TMEM232: variants seen among roughly 807,000 people sequenced by gnomAD.
TMEM232 encodes transmembrane protein 232.
Under a neutral mutation model 78.8 loss-of-function variants are expected in TMEM232, and 80 were observed. The observed-to-expected ratio is 1.01, with a 90% CI of 0.85 to 1.22. TMEM232 has a LOEUF of 1.22. TMEM232 is among the 50% of genes most tolerant of loss of function. The pLI, the probability that TMEM232 is intolerant of heterozygous loss-of-function variation, is 0.00. For missense variants in TMEM232, 881 were observed against 742.2 expected, an observed-to-expected ratio of 1.19 and a Z score of -2.17; for synonymous variants, 297 against 254.3, an observed-to-expected ratio of 1.17 and a Z score of -1.60.
upstream of TMEM232, among the ~76,000 whole-genome samples, chr5:110,731,092 G>C (rs1184230838): frequency 2.0e-5 from 3 of 152,252 alleles, no homozygotes; most frequent in South Asian, 2.1e-4. Flanking sequence ...AAAACAAAGG[G>C]GTTACAGGGC....
chr5:110,435,987 C>T (rs2112717793), intron 12 of TMEM232, among the ~76,000 whole-genome samples: 1 of 152,052 alleles, frequency 6.6e-6, no homozygotes, highest in Admixed American at 6.6e-5. Flanking sequence ...AGTGAGATTG[C>T]TGGATCATGT....
intron 2 of TMEM232, among the ~76,000 whole-genome samples, chr5:110,731,857 G>A (rs943795934): frequency 1.3e-5 from 2 of 152,124 alleles, no homozygotes; most frequent in African/African-American, 4.8e-5. Flanking sequence ...AAATTTCTGT[G>A]GCCAGCTTGA....
chr5:110,435,507 T>C (rs1758330977), intron 12 of TMEM232, among the ~76,000 whole-genome samples: 1 of 151,756 alleles, frequency 6.6e-6, no homozygotes, highest in African/African-American at 2.4e-5. Flanking sequence ...TAAATAATTA[T>C]TGAGTATATA....
chr5:110,579,119 G>A (rs958009788), intron 10 of TMEM232, among the ~76,000 whole-genome samples: 3 of 151,624 alleles, frequency 2.0e-5, no homozygotes, highest in African/African-American at 7.3e-5. Flanking sequence ...AACTTGTCAT[G>A]TCAAGGGGAT....
chr5:110,691,398 T>A (rs969921308), intron 1 of TMEM232, among the ~76,000 whole-genome samples: 1 of 152,210 alleles, frequency 6.6e-6, no homozygotes. Context: ...ATGTGATGAA[T>A]GGTTTAGGAA....
At chr5:110,613,650 G>A (rs1426369079) in intron 8 of TMEM232, among the ~76,000 whole-genome samples, 1 of 152,054 alleles carries the variant, frequency 6.6e-6, no homozygotes, top group African/African-American at 2.4e-5. Flanking sequence ...AGGGCCTGGT[G>A]CCTCAATATT....
At chr5:110,387,627 G>C (rs1204012935) in intron 5 of TMEM232, 1 of 151,948 alleles carries the variant, frequency 6.6e-6, no homozygotes, top group East Asian at 1.9e-4. Context: ...GGAAAGAATA[G>C]ATTAAATATT....
At chr5:110,567,536 G>T (rs577211473) in intron 11 of TMEM232, among the ~76,000 whole-genome samples, 1 of 151,890 alleles carries the variant, frequency 6.6e-6, no homozygotes, top group South Asian at 2.1e-4. Context: ...ATGTTCTTGT[G>T]TCCTCTCACT....
chr5:110,581,128 C>T (rs1283921311), intron 10 of TMEM232, among the ~76,000 whole-genome samples: 1 of 151,720 alleles, frequency 6.6e-6, no homozygotes, highest in African/African-American at 2.4e-5. Context: ...TACCAAACTA[C>T]CAGTATTATT....
chr5:110,627,378 T>TACCA (rs1784548796), intron 6 of TMEM232, among the ~76,000 whole-genome samples: 1 of 152,022 alleles, frequency 6.6e-6, no homozygotes, highest in Non-Finnish European at 1.5e-5. Flanking sequence ...GAATGAGGAT[T>TACCA]ACCAGCATCT....
At chr5:110,412,567 CTTTT>C (rs66505851) in intron 2 of TMEM232, among the ~76,000 whole-genome samples, 7 of 147,862 alleles carry the variant, frequency 4.7e-5, no homozygotes, top group Admixed American at 1.4e-4. Flanking sequence ...TAGCCAAACT[CTTTT>C]TTTTTTTTAT....
chr5:110,428,139 C>T (rs1053610932), intron 12 of TMEM232, among the ~76,000 whole-genome samples: 12 of 151,918 alleles, frequency 7.9e-5, no homozygotes, highest in Non-Finnish European at 1.6e-4. Flanking sequence ...CCCCAACCCC[C>T]TACTTTCCTT....
intron 2 of TMEM232, among the ~76,000 whole-genome samples, chr5:110,659,905 G>C (rs1043859976): frequency 1.3e-5 from 2 of 151,904 alleles, no homozygotes; most frequent in African/African-American, 4.8e-5. Context: ...GGAGAATAAA[G>C]AGTAAAAGAT....
At chr5:110,543,143 C>T (rs1476280178) in intron 11 of TMEM232, among the ~76,000 whole-genome samples, 2 of 152,164 alleles carry the variant, frequency 1.3e-5, no homozygotes, top group Non-Finnish European at 2.9e-5. Flanking sequence ...AGACCCTCCA[C>T]CGATAACATC....
Position 110,464,930 on chromosome 5 carries a change from A to T in TMEM232, c.1704-40014T>A, listed in dbSNP as rs375554539. Among the ~76,000 whole-genome samples the T allele has an allele frequency of 6.6e-5, 10 of 152,304 alleles. 1 individual carries two copies. The East Asian group carries it at 7.7e-4, about 12-fold the overall frequency. On this transcript the variant is annotated intron_variant, in intron 12 of 13. Transcript: ENST00000455884. Reference sequence around the variant, plus strand: ...TAAGAACCTTGAGACAGTAAATAAGAAGTGGAGAATACTAATGCCCATCAT... The same window carrying T: ...TAAGAACCTTGAGACAGTAAATAAGTAGTGGAGAATACTAATGCCCATCAT...
intron 11 of TMEM232, among the ~76,000 whole-genome samples, chr5:110,550,876 G>GT (rs1774372576): frequency 7.3e-6 from 1 of 136,840 alleles, no homozygotes; most frequent in African/African-American, 2.7e-5. Context: ...AAATGTTACA[G>GT]TAAAAAAAAA....
chr5:110,712,105 C>CA (rs61482697), intron 1 of TMEM232, among the ~76,000 whole-genome samples: 857 of 63,382 alleles, frequency 0.014, 9 homozygotes, highest in Non-Finnish European at 0.019. Flanking sequence ...GACTCAATCT[C>CA]AAAAAAAAAA....
chr5:110,451,583 G>A (rs971635438), intron 12 of TMEM232, among the ~76,000 whole-genome samples: 1 of 151,986 alleles, frequency 6.6e-6, no homozygotes, highest in Admixed American at 6.6e-5. Flanking sequence ...TTGCTTTAAT[G>A]ATTTTGTTTA....
At chr5:110,508,884 G>GTATATATA (rs1767296074) in intron 12 of TMEM232, among the ~76,000 whole-genome samples, 1 of 134,746 alleles carries the variant, frequency 7.4e-6, no homozygotes. Context: ...ACATATATAT[G>GTATATATA]TGTATATATG....
Sources: allele counts gnomAD v4.1 joint callset (sites outside exome capture counted in the v4.1 genomes callset), GRCh38; gene constraint gnomAD v4.1.1; transcripts MANE v1.5; gene names NCBI Gene and HGNC (gene_info 2026-07-23, HGNC 2026-07-21).